HOATZ: variants seen among roughly 807,000 people sequenced by gnomAD.
HOATZ encodes the protein HOATZ cilia and flagella associated protein, also known as cilia- and flagella-associated protein HOATZ.
Under a neutral mutation model 24.9 loss-of-function variants are expected in HOATZ, and 26 were observed. That is an observed-to-expected ratio of 1.04 (90% CI 0.76 to 1.45). HOATZ has a LOEUF of 1.45. Among genes scored for constraint, HOATZ ranks in the 40% most tolerant of loss-of-function variants. HOATZ has a pLI of 0.00. For missense variants in HOATZ, 226 were observed against 201.5 expected (o/e 1.12, Z -0.74); for synonymous variants, 83 against 76.6 (o/e 1.08, Z -0.43).
intron 3 of HOATZ, chr11:111,525,029 C>A (rs148012676): frequency 3.0e-6 from 1 of 331,014 alleles, no homozygotes; most frequent in Non-Finnish European, 5.9e-6. Flanking sequence ...CCATCACATC[C>A]AGCTACATTT....
chr11:111,520,311 G>A (rs1030450126), intron 3 of HOATZ, among the ~76,000 whole-genome samples: 1 of 152,170 alleles, frequency 6.6e-6, no homozygotes, highest in African/African-American at 2.4e-5. Flanking sequence ...CTGGGAGAAG[G>A]AAGAAGAGGT....
At chr11:111,517,689 T>C (rs575969523) in intron 3 of HOATZ, among the ~76,000 whole-genome samples, 9 of 152,150 alleles carry the variant, frequency 5.9e-5, no homozygotes, top group Non-Finnish European at 1.2e-4. Flanking sequence ...TCATGATAGA[T>C]ATATGCACAT....
chr11:111,525,761 A>T (rs1867332505), intron 3 of HOATZ, among the ~76,000 whole-genome samples: 1 of 152,234 alleles, frequency 6.6e-6, no homozygotes, highest in Admixed American at 6.5e-5. Flanking sequence ...TGTGCCTGGC[A>T]TTGTGCTAGG....
At chr11:111,527,004 T>C (rs768536027) in intron 3 of HOATZ, among the ~76,000 whole-genome samples, 7 of 152,216 alleles carry the variant, frequency 4.6e-5, no homozygotes, top group Non-Finnish European at 8.8e-5. Context: ...ATGTATACTT[T>C]GTTGAATTTT....
intron 5 of HOATZ, chr11:111,536,031 C>T (rs891720422): frequency 6.6e-6 from 1 of 152,060 alleles, no homozygotes; most frequent in Non-Finnish European, 1.5e-5. Context: ...TTATTTAACT[C>T]TTATTATTGC....
chr11:111,522,533 G>A (rs1867281306), intron 3 of HOATZ, among the ~76,000 whole-genome samples: 1 of 152,168 alleles, frequency 6.6e-6, no homozygotes, highest in Non-Finnish European at 1.5e-5. Flanking sequence ...TAATAAATGA[G>A]TGATGTATCT....
At chr11:111,525,985 A>T (rs1237424034) in intron 3 of HOATZ, among the ~76,000 whole-genome samples, 1 of 152,220 alleles carries the variant, frequency 6.6e-6, no homozygotes, top group African/African-American at 2.4e-5. Flanking sequence ...ATAACTTAAT[A>T]GGGTGGTATT....
intron 5 of HOATZ, chr11:111,535,665 C>CT (rs796197531): frequency 1.2e-3 from 177 of 147,646 alleles, no homozygotes; most frequent in Middle Eastern, 7.0e-3. Context: ...AGCTACTCTT[C>CT]TTTTTTTTTT....
intron 3 of HOATZ, among the ~76,000 whole-genome samples, chr11:111,533,534 G>A (rs1171381294): frequency 6.6e-6 from 1 of 151,838 alleles, no homozygotes; most frequent in Non-Finnish European, 1.5e-5. Flanking sequence ...AAATTTTACA[G>A]CATTTTAATA....
rs2135784091 is a variant in HOATZ at position 111,536,816 on chromosome 11, A to G, written c.499A>G (p.Thr167Ala). The stretch of plus-strand genomic sequence containing the variant: ...TAAAGAGGACCAAGAAGAAGTCAAA[A>G]CTTTGGACTAATTTGCTTGACACAT... ...SDKEDQEEVK[T>A]LD The change falls in exon 6 of 6, where the codon ACT (threonine) becomes GCT (alanine). Residue 167 changes from threonine (T) to alanine (A), a missense_variant. Transcript: ENST00000375618. The G allele has an allele frequency of 6.2e-7, 1 of 1,613,756 alleles. No individual in the cohort carries two copies. Among genetic ancestry groups the G allele is most frequent in the Non-Finnish European group, 8.5e-7 (1 of 1,179,720 alleles).
chr11:111,515,003 A>G lies in HOATZ; in HGVS notation c.219A>G (p.Arg73=). The part of the protein sequence containing the change: ...RLPVARPRRS[R]GSENSHSSQS... ...CGGTGGCGCGGCCCAGGAGGAGCAG[A>G]GGGTCTGGTGAGTAGAATAGCGGCC... Residue 73 remains arginine (R), a synonymous_variant, in exon 1 of 6, where the codon AGA becomes AGG. Transcript: ENST00000375618. The G allele has an allele frequency of 2.5e-6, 4 of 1,612,334 alleles. No individual in the cohort carries two copies. The highest frequency in any genetic ancestry group is 3.4e-6 in the Non-Finnish European group (4 of 1,179,542).
chr11:111,515,462 G>A (rs754324137), intron 1 of HOATZ, 49 bp from the exon 2 acceptor site: 1 of 1,511,004 alleles, frequency 6.6e-7, no homozygotes, highest in South Asian at 1.1e-5. Flanking sequence ...CGCCTTTAAT[G>A]TTGTTGACTT....
chr11:111,521,354 T>A (rs1867267183), intron 3 of HOATZ, among the ~76,000 whole-genome samples: 1 of 152,232 alleles, frequency 6.6e-6, no homozygotes, highest in Non-Finnish European at 1.5e-5. Context: ...GTGAAAGGGA[T>A]ACTTTGAATC....
chr11:111,533,432 GT>G lies in HOATZ; in HGVS notation c.340-304del, dbSNP rs562963838. Among the ~76,000 whole-genome samples, 569 of 149,312 alleles carry G rather than the reference GT, an allele frequency of 3.8e-3. 6 individuals carry two copies. The highest frequency in any genetic ancestry group is 0.012 in the African/African-American group (507 of 40,768). ...TGTGGTAAGGTCTTAATAAATATTA[GT>G]TTTTTTTTTAAGTTAGTTTTTATTA... On this transcript the variant is annotated intron_variant, in intron 3 of 5. Coordinates refer to ENST00000375618, the MANE Select transcript of HOATZ (RefSeq NM_001100388.2).
At chr11:111,529,714 C>T (rs965377531) in intron 3 of HOATZ, among the ~76,000 whole-genome samples, 2 of 152,006 alleles carry the variant, frequency 1.3e-5, no homozygotes, top group African/African-American at 4.8e-5. Flanking sequence ...TCATAATCCA[C>T]GAAAGAAATG....
At chr11:111,529,255 G>A (rs1318343156) in intron 3 of HOATZ, among the ~76,000 whole-genome samples, 1 of 152,114 alleles carries the variant, frequency 6.6e-6, no homozygotes, top group Non-Finnish European at 1.5e-5. Flanking sequence ...CTCAAAGGAT[G>A]ATGACTAGAT....
intron 3 of HOATZ, among the ~76,000 whole-genome samples, chr11:111,516,714 CT>C (rs1002371664): frequency 9.2e-5 from 14 of 151,656 alleles, no homozygotes; most frequent in African/African-American, 3.2e-4. Flanking sequence ...GAGACACAGT[CT>C]TAAAAAAAAA....
intron 1 of HOATZ, 91 bp from the exon 2 acceptor site, chr11:111,515,420 T>C (rs1245985902): frequency 2.2e-5 from 23 of 1,034,550 alleles, no homozygotes; most frequent in Non-Finnish European, 3.2e-5. Flanking sequence ...GTGGAAACTG[T>C]TATGCAATTG....
rs1182972889 is a variant in HOATZ, at chr11:111,514,824, G to C, written c.40G>C (p.Glu14Gln). ...CAGCGAAGAACCTAGCGGCCGAAAA[G>C]AGTCCCAGGAAATGTGCCCCCCGGG... ...GPSEEPSGRK[E>Q]SQEMCPPGLL... The change falls in exon 1 of 6, where the codon GAG (glutamate) becomes CAG (glutamine). Residue 14 changes from glutamate (E) to glutamine (Q), a missense_variant. Physicochemically the swap from Glu to Gln is conservative, Grantham distance 29. Transcript: ENST00000375618. The C allele has an allele frequency of 6.2e-7, 1 of 1,614,070 alleles. No individual in the cohort carries two copies. Among genetic ancestry groups the C allele is most frequent in the Non-Finnish European group, 8.5e-7 (1 of 1,180,016 alleles).
Sources: allele counts gnomAD v4.1 joint callset (sites outside exome capture counted in the v4.1 genomes callset), GRCh38; gene constraint gnomAD v4.1.1; transcripts MANE v1.5; gene names NCBI Gene and HGNC (gene_info 2026-07-23, HGNC 2026-07-21).